The following RNLS variants were observed in gnomAD, a reference collection of about 807,000 sequenced individuals.
RNLS encodes renalase.
Under a neutral mutation model 39.8 loss-of-function variants are expected in RNLS, and 39 were observed. That is an observed-to-expected ratio of 0.98 (90% CI 0.76 to 1.28). The LOEUF (loss-of-function observed/expected upper bound fraction) is 1.28. RNLS is among the 50% of genes most tolerant of loss of function. The pLI is 0.00. For synonymous variants in RNLS, 147 were observed against 150.7 expected, an observed-to-expected ratio of 0.98 and a Z score of 0.18; for missense variants, 410 against 413.3, an observed-to-expected ratio of 0.99 and a Z score of 0.07.
chr10:88,527,365 T>A (rs981539423), intron 4 of RNLS, among the ~76,000 whole-genome samples: 3 of 152,118 alleles, frequency 2.0e-5, no homozygotes, highest in African/African-American at 7.2e-5. Flanking sequence ...TTCTCCAGTT[T>A]TTATCTTTAC....
intron 4 of RNLS, among the ~76,000 whole-genome samples, chr10:88,397,145 T>G (rs529152488): frequency 1.1e-4 from 17 of 152,082 alleles, no homozygotes; most frequent in African/African-American, 2.4e-4. Flanking sequence ...AATATTTCAC[T>G]CAATAACAGC....
chr10:88,381,824 CCCTG>C (rs1161552093), intron 4 of RNLS, among the ~76,000 whole-genome samples: 1 of 151,892 alleles, frequency 6.6e-6, no homozygotes, highest in East Asian at 1.9e-4. Context: ...CAAATCTGAC[CCCTG>C]TCTGGTTTTT....
intron 4 of RNLS, among the ~76,000 whole-genome samples, chr10:88,407,096 G>C (rs1479257059): frequency 1.3e-5 from 2 of 152,062 alleles, no homozygotes; most frequent in African/African-American, 4.8e-5. Flanking sequence ...ATATGGTGCA[G>C]TGTACACTGC....
intron 4 of RNLS, among the ~76,000 whole-genome samples, chr10:88,511,489 G>A (rs1846122103): frequency 6.6e-6 from 1 of 152,104 alleles, no homozygotes; most frequent in African/African-American, 2.4e-5. Flanking sequence ...TGAGCAGACT[G>A]GAGTTCAGGG....
intron 5 of RNLS, among the ~76,000 whole-genome samples, chr10:88,357,828 A>G (rs765665099): frequency 6.6e-6 from 1 of 152,302 alleles, no homozygotes; most frequent in East Asian, 1.9e-4. Flanking sequence ...CTATGAGCAC[A>G]CTGACTCTGG....
intron 4 of RNLS, among the ~76,000 whole-genome samples, chr10:88,416,687 T>G (rs1265351647): frequency 6.6e-6 from 1 of 152,242 alleles, no homozygotes; most frequent in African/African-American, 2.4e-5. Flanking sequence ...ACCCCACATA[T>G]GCAAATATAA....
chr10:88,382,366 C>T (rs1044304738), intron 4 of RNLS, among the ~76,000 whole-genome samples: 9 of 152,060 alleles, frequency 5.9e-5, no homozygotes, highest in African/African-American at 1.9e-4. Flanking sequence ...AGGTTAAACA[C>T]TCATCACATT....
At chr10:88,408,109 CT>C (rs1164964819) in intron 4 of RNLS, among the ~76,000 whole-genome samples, 1 of 152,084 alleles carries the variant, frequency 6.6e-6, no homozygotes, top group African/African-American at 2.4e-5. Context: ...GCATATAGTT[CT>C]GCACCTCAAC....
At chr10:88,486,443 G>A (rs180941080) in intron 4 of RNLS, among the ~76,000 whole-genome samples, 211 of 152,040 alleles carry the variant, frequency 1.4e-3, no homozygotes, top group African/African-American at 5.0e-3. Context: ...TACAGAATGG[G>A]AGAAAATATT....
intron 6 of RNLS, among the ~76,000 whole-genome samples, chr10:88,308,026 G>A (rs1845056872): frequency 6.6e-6 from 1 of 152,168 alleles, no homozygotes; most frequent in Admixed American, 6.5e-5. Context: ...AAGCAATGGG[G>A]AAAGGATTCC....
downstream of RNLS, among the ~76,000 whole-genome samples, chr10:88,273,448 A>G (rs529647113): frequency 7.2e-5 from 11 of 152,338 alleles, no homozygotes; most frequent in South Asian, 2.3e-3. Context: ...AGCATTACAT[A>G]TTGTGGGTTT....
At chr10:88,425,969 CA>C (rs1214603007) in intron 4 of RNLS, among the ~76,000 whole-genome samples, 1 of 152,012 alleles carries the variant, frequency 6.6e-6, no homozygotes, top group African/African-American at 2.4e-5. Context: ...ATAGAATGCA[CA>C]AGTGTCCCTG....
the RNLS span, among the ~76,000 whole-genome samples, chr10:88,211,140 T>C: frequency 3.3e-5 from 5 of 152,172 alleles, no homozygotes; most frequent in Non-Finnish European, 5.9e-5. Context: ...TTGCTTTAAA[T>C]ATCGATTTCA....
chr10:88,528,229 C>T (rs1847221869), intron 4 of RNLS, among the ~76,000 whole-genome samples: 1 of 152,008 alleles, frequency 6.6e-6, no homozygotes, highest in Non-Finnish European at 1.5e-5. Context: ...AGAATGATGC[C>T]ACATTTTTAG....
At chr10:88,172,839 GTTGTTTTTTT>G in the RNLS span, among the ~76,000 whole-genome samples, 2 of 31,500 alleles carry the variant, frequency 6.3e-5, no homozygotes, top group African/African-American at 1.8e-4. Context: ...TGCATTTTGA[GTTGTTTTTTT>G]TTTTTTTTTT....
chr10:88,500,349 C>T (rs952779160), intron 4 of RNLS, among the ~76,000 whole-genome samples: 1 of 152,056 alleles, frequency 6.6e-6, no homozygotes, highest in African/African-American at 2.4e-5. Context: ...ACAATTTGTT[C>T]CAGCTAAATG....
chr10:88,290,766 T>G (rs1277166654), intron 6 of RNLS, among the ~76,000 whole-genome samples: 2 of 152,200 alleles, frequency 1.3e-5, no homozygotes, highest in African/African-American at 4.8e-5. Flanking sequence ...GCACTTCCTA[T>G]GCAGTCTGTC....
rs529923092 is a variant in RNLS at position 88,360,957 on chromosome 10, T to C, written c.700+1595A>G. Among the ~76,000 whole-genome samples, 11 of 152,328 alleles carry C rather than the reference T, an allele frequency of 7.2e-5. No homozygotes were observed. The East Asian group carries it at 2.1e-3, about 29-fold the overall frequency. On this transcript the variant is annotated intron_variant, in intron 5 of 6. Coordinates refer to ENST00000331772, the MANE Select transcript of RNLS (RefSeq NM_001031709.3). ...ATGTATTAGTCAACTCAGGCTACCA[T>C]AACAAAATACCATAGACTGGGTGAC... is the stretch of plus-strand genomic sequence containing the variant.
intron 4 of RNLS, among the ~76,000 whole-genome samples, chr10:88,569,869 T>C (rs368425738): frequency 5.9e-5 from 9 of 152,018 alleles, no homozygotes; most frequent in Non-Finnish European, 1.0e-4. Context: ...AAAGATTATA[T>C]CATAGTATTC....
Sources: gnomAD v4.1 joint callset for allele counts (sites outside exome capture counted in the v4.1 genomes callset) on GRCh38, gnomAD v4.1.1 for gene constraint, MANE v1.5 for transcripts, NCBI Gene and HGNC (gene_info 2026-07-23, HGNC 2026-07-21) for gene names.